PTPRT: variants seen among roughly 807,000 people sequenced by gnomAD.
PTPRT encodes receptor-type tyrosine-protein phosphatase T.
A neutral mutation model predicts 176.8 loss-of-function variants in PTPRT; 56 were observed. The ratio of observed to expected loss-of-function variants is 0.32; its 90% CI spans 0.26 to 0.40. The LOEUF is 0.40. Ranked by LOEUF, PTPRT falls within the 10% of genes least tolerant of loss-of-function variation. PTPRT has a pLI of 1.00. For synonymous variants in PTPRT, 783 were observed against 739.0 expected (o/e 1.06, Z -0.96); for missense variants, 1,540 against 1,908.2 (o/e 0.81, Z 3.60).
chr20:42,996,676 C>A (rs531314450), intron 1 of PTPRT, among the ~76,000 whole-genome samples: 2 of 152,186 alleles, frequency 1.3e-5, no homozygotes, highest in African/African-American at 4.8e-5. Flanking sequence ...GAAAGGGGGG[C>A]CCAAAGTGGT....
chr20:42,921,779 G>A (rs951815907), intron 1 of PTPRT, among the ~76,000 whole-genome samples: 1 of 152,198 alleles, frequency 6.6e-6, no homozygotes, highest in Non-Finnish European at 1.5e-5. Context: ...CACTGGGACA[G>A]TGAAACTGCC....
chr20:42,112,309 C>CAGTT (rs1987043536), intron 22 of PTPRT, among the ~76,000 whole-genome samples: 1 of 152,136 alleles, frequency 6.6e-6, no homozygotes, highest in Non-Finnish European at 1.5e-5. Context: ...ACACAGCTCA[C>CAGTT]AGTTACCCTC....
At chr20:43,168,920 A>G (rs566029653) in intron 1 of PTPRT, among the ~76,000 whole-genome samples, 2 of 152,352 alleles carry the variant, frequency 1.3e-5, no homozygotes, top group East Asian at 3.9e-4. Context: ...AGAGTTCATT[A>G]GGTTGAAGGC....
rs1198537205 is a variant in PTPRT at position 42,716,560 on chromosome 20, T to G, written c.860-38401A>C. On this transcript the variant is annotated intron_variant, in intron 6 of 30. Coordinates refer to ENST00000373187, the MANE Select transcript of PTPRT (RefSeq NM_007050.6). ...TGCATAAATGTCTTCTTTTGAGAAG[T>G]GCCTGTTCATATCCTTCACCCACTT... 2.0e-5 allele frequency among the ~76,000 whole-genome samples: 3 copies of G among 152,224 alleles called. No homozygotes were observed. The South Asian group carries it at 6.2e-4, about 32-fold the overall frequency.
At chr20:42,282,436 A>G in intron 13 of PTPRT, 53 bp downstream of exon 13, 1 of 1,531,852 alleles carries the variant, frequency 6.5e-7, no homozygotes, top group Non-Finnish European at 8.9e-7. Context: ...CTAGAAAGAA[A>G]TACTTAAATG....
chr20:42,426,974 C>T (rs1384965443), intron 9 of PTPRT, among the ~76,000 whole-genome samples: 1 of 152,140 alleles, frequency 6.6e-6, no homozygotes, highest in Non-Finnish European at 1.5e-5. Context: ...GACAGATTTG[C>T]CACAGTAGCT....
At chr20:43,011,269 G>C (rs902149445) in intron 1 of PTPRT, among the ~76,000 whole-genome samples, 1 of 152,120 alleles carries the variant, frequency 6.6e-6, no homozygotes, top group Admixed American at 6.5e-5. Context: ...GCCACAAATG[G>C]CCAGAGTCTG....
intron 9 of PTPRT, among the ~76,000 whole-genome samples, chr20:42,385,752 G>A (rs781781123): frequency 6.6e-5 from 10 of 152,088 alleles, no homozygotes; most frequent in Non-Finnish European, 1.3e-4. Flanking sequence ...TGTGCAGGGG[G>A]AACTCCCATT....
chr20:43,076,884 G>T (rs1179053572), intron 1 of PTPRT, among the ~76,000 whole-genome samples: 1 of 151,818 alleles, frequency 6.6e-6, no homozygotes, highest in Non-Finnish European at 1.5e-5. Flanking sequence ...CTTCTCTCAG[G>T]TCTTCTGTGC....
intron 7 of PTPRT, among the ~76,000 whole-genome samples, chr20:42,664,224 CT>C (rs1600571536): frequency 6.6e-6 from 1 of 151,952 alleles, no homozygotes; most frequent in East Asian, 1.9e-4. Flanking sequence ...GCCTTTTTTT[CT>C]ATCAATGTGA....
intron 1 of PTPRT, among the ~76,000 whole-genome samples, chr20:43,080,077 C>A (rs1032410967): frequency 6.6e-6 from 1 of 152,220 alleles, no homozygotes; most frequent in African/African-American, 2.4e-5. Context: ...ACCAGGCCTA[C>A]CTCCATGGGG....
chr20:42,178,941 A>C (rs1205271850), intron 16 of PTPRT, among the ~76,000 whole-genome samples: 2 of 152,210 alleles, frequency 1.3e-5, no homozygotes, highest in Non-Finnish European at 2.9e-5. Flanking sequence ...CCAAGATAAA[A>C]GCCACAGTCT....
At chr20:42,284,561 T>C (rs913703602) in intron 12 of PTPRT, among the ~76,000 whole-genome samples, 12 of 152,096 alleles carry the variant, frequency 7.9e-5, no homozygotes, top group Non-Finnish European at 1.6e-4. Flanking sequence ...AGATTCCTTC[T>C]TCCACGTTGA....
At chr20:42,541,539 ATACTAATAC>A (rs1049943376) in intron 7 of PTPRT, among the ~76,000 whole-genome samples, 1 of 1,112 alleles carries the variant, frequency 9.0e-4, no homozygotes, top group African/African-American at 2.8e-3. Context: ...TTACTAGTAA[ATACTAATAC>A]TAGTAAATAA....
chr20:43,069,096 G>A (rs2011148875), intron 1 of PTPRT, among the ~76,000 whole-genome samples: 1 of 152,260 alleles, frequency 6.6e-6, no homozygotes, highest in South Asian at 2.1e-4. Context: ...GCTCTCCTCT[G>A]ACCCTCAGCC....
At chr20:42,471,181 A>C (rs1212480624) in intron 8 of PTPRT, among the ~76,000 whole-genome samples, 2 of 152,224 alleles carry the variant, frequency 1.3e-5, no homozygotes, top group Non-Finnish European at 2.9e-5. Flanking sequence ...TACATAATTC[A>C]GCATTGTCTG....
chr20:42,377,917 G>A (rs1164615386), intron 9 of PTPRT, among the ~76,000 whole-genome samples: 2 of 152,174 alleles, frequency 1.3e-5, no homozygotes, highest in Non-Finnish European at 2.9e-5. Flanking sequence ...GAATACAGCA[G>A]GAGCACCAAT....
intron 15 of PTPRT, among the ~76,000 whole-genome samples, chr20:42,207,084 A>C (rs201902721): frequency 1.3e-5 from 2 of 152,008 alleles, no homozygotes; most frequent in Non-Finnish European, 2.9e-5. Context: ...TGAGGGTCCT[A>C]TCTGTTAGAA....
At chr20:42,142,840 C>A (rs1267221815) in intron 17 of PTPRT, among the ~76,000 whole-genome samples, 25 of 152,084 alleles carry the variant, frequency 1.6e-4, no homozygotes, top group Admixed American at 1.6e-3. Context: ...CCATGAAAAA[C>A]AAAACTGCAG....
Sources: allele counts gnomAD v4.1 joint callset (sites outside exome capture counted in the v4.1 genomes callset), GRCh38; gene constraint gnomAD v4.1.1; transcripts MANE v1.5; gene names NCBI Gene and HGNC (gene_info 2026-07-23, HGNC 2026-07-21).